Variants in NOTCH4 observed in about 807,000 individuals in gnomAD.
The protein encoded by NOTCH4 is neurogenic locus notch homolog protein 4.
NOTCH4 carries 138 observed loss-of-function variants against 189.0 expected under a neutral mutation model. The observed-to-expected ratio is 0.73, with a 90% CI of 0.64 to 0.84. The LOEUF (loss-of-function observed/expected upper bound fraction) is 0.84. Among genes scored for constraint, NOTCH4 ranks in the 40% least tolerant of loss-of-function variants. The pLI is 0.00. For synonymous variants in NOTCH4, 942 were observed against 1,032.8 expected, an observed-to-expected ratio of 0.91 and a Z score of 1.69; for missense variants, 2,286 against 2,605.4, an observed-to-expected ratio of 0.88 and a Z score of 2.67.
chr6:32,222,857 C>T (rs1582829745), intron 2 of NOTCH4, 51 bp from the exon 3 acceptor site: 1 of 1,596,216 alleles, frequency 6.3e-7, no homozygotes, highest in African/African-American at 1.3e-5. Context: ...TCTTCCTATT[C>T]TTGCCCACTC....
Position 32,201,960 on chromosome 6 carries a change from G to A in NOTCH4, c.3755+116C>T, listed in dbSNP as rs764678010. 152 of 1,008,328 alleles carry A rather than the reference G, an allele frequency of 1.5e-4. No homozygotes were observed. Among genetic ancestry groups the A allele is most frequent in the Non-Finnish European group, 2.0e-4 (146 of 748,232 alleles). 62.5% of individuals were successfully genotyped at this position (1,008,328 alleles called of 1,614,324 possible). ...CCTGTTTAGTGATGGTTATTAGGGT[G>A]GAAACTCCCTGGAGCCCAAGGCTGT... On this transcript the variant is annotated intron_variant, in intron 21 of 29. Transcript: ENST00000375023. This position sits in a 1 kb window ranked among gnomAD's most constrained non-coding sequence, Gnocchi z 5.5.
In NOTCH4 at chr6:32,212,672, C is replaced by A. The variant is rs2127477782; in HGVS notation, c.2527-45G>T. On this transcript the variant is annotated intron_variant, in intron 16 of 29. Coordinates refer to ENST00000375023, the MANE Select transcript of NOTCH4 (RefSeq NM_004557.4). This position sits in a 1 kb window ranked among gnomAD's most constrained non-coding sequence, Gnocchi z 4.4. ...GTGAGGCAGGACATAGCATCAGATT[C>A]TCAGCCCAGAGATGGTCCTCTGCCC... 6.3e-7 allele frequency: 1 copy of A among 1,579,864 alleles called. No homozygotes were observed. The highest frequency in any genetic ancestry group is 8.6e-7 in the Non-Finnish European group (1 of 1,162,728).
chr6:32,217,339 G>T lies in NOTCH4; in HGVS notation c.1625-73C>A. The T allele has an allele frequency of 1.1e-6, 1 of 946,800 alleles. No individual in the cohort carries two copies. The highest frequency in any genetic ancestry group is 2.0e-5 in the Admixed American group (1 of 49,590). 58.6% of individuals were successfully genotyped at this position (946,800 alleles called of 1,614,324 possible). A position where few individuals can be genotyped will look rare whatever the true frequency, so the allele number is the denominator to read the frequency against. ...GAGGCACAGCATGGCGCCTTCCCTT[G>T]CCAGGAAAGGTGAACTTGCAGAGCT... On this transcript the variant is annotated intron_variant, in intron 9 of 29. Coordinates refer to ENST00000375023, the MANE Select transcript of NOTCH4 (RefSeq NM_004557.4). The surrounding 1 kb of genome is among the most constrained non-coding windows in gnomAD (Gnocchi z 4.2).
In NOTCH4 at chr6:32,204,237, G is replaced by A. The variant is rs774972771; in HGVS notation, c.3018C>T (p.Asp1006=). Residue 1006 remains aspartate (D), a synonymous_variant, in exon 19 of 30, where the codon GAC becomes GAT. Coordinates refer to ENST00000375023, the MANE Select transcript of NOTCH4 (RefSeq NM_004557.4). ...PGFVGLRCEG[D]VDECLDQPCH... ...AGGGCTGGTCCAGACACTCGTCCAC[G>A]TCTCCCTCACAGCGTAGCCCCACAA... The A allele has an allele frequency of 1.7e-5, 28 of 1,612,914 alleles. 1 individual carries two copies. Among genetic ancestry groups the A allele is most frequent in the African/African-American group, 6.7e-5 (5 of 74,898 alleles).
chr6:32,197,745 T>G (rs1346047549), intron 26 of NOTCH4, 151 bp from the exon 27 acceptor site: 6 of 590,244 alleles, frequency 1.0e-5, no homozygotes, highest in Non-Finnish European at 1.7e-5. Flanking sequence ...TCTGCTTTTC[T>G]CTGACTTCAG....
rs1788949573 is a variant in NOTCH4, at chr6:32,210,614, G to A, written c.2865+138C>T. The stretch of plus-strand genomic sequence containing the variant: ...TCAGGAGATAAAGTGGCATGACTTT[G>A]TGGTTAGTTGGGTGTGTGGGGTTAA... On this transcript the variant is annotated intron_variant, in intron 18 of 29. Transcript: ENST00000375023. This position sits in a 1 kb window ranked among gnomAD's most constrained non-coding sequence, Gnocchi z 4.8. 1 of 778,318 alleles carries A rather than the reference G, an allele frequency of 1.3e-6. No individual in the cohort carries two copies. Among genetic ancestry groups the A allele is most frequent in the African/African-American group, 1.7e-5 (1 of 57,168 alleles). 48.2% of individuals were successfully genotyped at this position (778,318 alleles called of 1,614,324 possible).
rs761247031 is a variant in NOTCH4 at position 32,201,550 on chromosome 6, T to C, written c.3756-50A>G. 3 of 1,425,658 alleles carry C rather than the reference T, an allele frequency of 2.1e-6. No individual in the cohort carries two copies. Among genetic ancestry groups the C allele is most frequent in the East Asian group, 2.5e-5 (1 of 40,510 alleles). 88.3% of individuals were successfully genotyped at this position (1,425,658 alleles called of 1,614,324 possible). On this transcript the variant is annotated intron_variant, in intron 21 of 29. Coordinates refer to ENST00000375023, the MANE Select transcript of NOTCH4 (RefSeq NM_004557.4). This position sits in a 1 kb window ranked among gnomAD's most constrained non-coding sequence, Gnocchi z 5.5. ...CAGGACCTCCCTAAAACCTGACTCT[T>C]TTCTTCACCCTAGAAAGAATTCCCC...
rs751734441 is a variant in NOTCH4 at position 32,202,435 on chromosome 6, T to G, written c.3396A>C (p.Lys1132Asn). The G allele has an allele frequency of 6.2e-7, 1 of 1,612,138 alleles. No homozygotes were observed. The highest frequency in any genetic ancestry group is 1.7e-5 in the Admixed American group (1 of 59,874). The change falls in exon 21 of 30, where the codon AAA becomes AAC. Residue 1132 changes from lysine to asparagine, a missense_variant. Lys to Asn is a moderately conservative substitution (Grantham distance 94). This residue lies in a region of NOTCH4 where 1,903 missense variants were observed against 2,261.9 expected (regional missense o/e 0.84). Coordinates refer to ENST00000375023, the MANE Select transcript of NOTCH4 (RefSeq NM_004557.4). This position sits in a 1 kb window ranked among gnomAD's most constrained non-coding sequence, Gnocchi z 5.7. ...GGCATGGGGAGGGAGGGCCACAGCC[T>G]TTAGGAGCTGGTGGGGTCAGGCAGT... ...GPDCLTPPAP[K>N]GCGPPSPCLY...
In NOTCH4 at chr6:32,220,264, C is replaced by A. The variant is rs1789667850; in HGVS notation, c.1180G>T (p.Asp394Tyr). The change falls in exon 7 of 30, where the codon GAC becomes TAC. Residue 394 changes from aspartate to tyrosine, a missense_variant. Around this residue, in one of 2 missense-constraint regions of NOTCH4, gnomAD observed 1,903 missense variants for 2,261.9 expected, o/e 0.84. Transcript: ENST00000375023. ...GRTGLLCHLE[D>Y]MCLSQPCHGD... ...TGGCACGGCTGGCTCAGACACATGT[C>A]TTCCAAGTGGCACAGGAGTCCTGGA... 2 of 1,613,402 alleles carry A rather than the reference C, an allele frequency of 1.2e-6. No individual in the cohort carries two copies. The highest frequency in any genetic ancestry group is 2.2e-5 in the East Asian group (1 of 44,846).
At chr6:32,203,357 T>TA (rs9281671) in intron 20 of NOTCH4, 21,807 of 175,270 alleles carry the variant, frequency 0.12, 1,545 homozygotes, top group Non-Finnish European at 0.14. Flanking sequence ...GTTACATTGT[T>TA]AGAATAATAA....
In NOTCH4 at chr6:32,215,221, G is replaced by A; in HGVS notation, c.2021+5C>T. 6.3e-7 allele frequency: 1 copy of A among 1,591,586 alleles called. No homozygotes were observed. The highest frequency in any genetic ancestry group is 8.5e-7 in the Non-Finnish European group (1 of 1,170,722). Reference sequence around the variant, plus strand: ...GGCAGATGGGGAGGGTCTGGAAGATGTTACCTCTGGCAGTGCCCGTGGTGG... The same window carrying A: ...GGCAGATGGGGAGGGTCTGGAAGATATTACCTCTGGCAGTGCCCGTGGTGG... On this transcript the variant is annotated splice_donor_5th_base_variant and intron_variant, in intron 12 of 29. Transcript: ENST00000375023.
rs144717551 is a variant in NOTCH4 at position 32,217,314 on chromosome 6, G to A, written c.1625-48C>T. ...GGAGAGGAGGCCAAGGTCATCGAGG[G>A]AGGCACAGCATGGCGCCTTCCCTTG... On this transcript the variant is annotated intron_variant, in intron 9 of 29. Transcript: ENST00000375023. This position sits in a 1 kb window ranked among gnomAD's most constrained non-coding sequence, Gnocchi z 4.2. The A allele has an allele frequency of 4.8e-6, 6 of 1,260,070 alleles. No individual in the cohort carries two copies. In the Admixed American group the frequency reaches 1.0e-4, roughly 22 times the overall value. 78.1% of individuals were successfully genotyped at this position (1,260,070 alleles called of 1,614,324 possible).
intron 12 of NOTCH4, 142 bp from the exon 13 acceptor site, chr6:32,214,397 C>T (rs1230283222): frequency 2.5e-5 from 19 of 774,514 alleles, no homozygotes; most frequent in South Asian, 5.0e-5. Context: ...CTCTCAGCAC[C>T]GCCCCCATCC....
chr6:32,219,091 T>C (rs1789591274), intron 8 of NOTCH4, among the ~76,000 whole-genome samples: 1 of 152,212 alleles, frequency 6.6e-6, no homozygotes, highest in South Asian at 2.1e-4. Flanking sequence ...TTTTCCCCCT[T>C]AAAACTAGCC....
rs1789684755 is a variant in NOTCH4, at chr6:32,220,486, T to C, written c.1078A>G (p.Ile360Val). The C allele has an allele frequency of 2.5e-6, 4 of 1,613,502 alleles. No individual in the cohort carries two copies. Among genetic ancestry groups the C allele is most frequent in the Non-Finnish European group, 3.4e-6 (4 of 1,179,984 alleles). ...GATCCCGGGGCACAGGTGGCAGCAA[T>C]ACAGTCATCCAGGTTCTCCTCACAG... is the stretch of plus-strand genomic sequence containing the variant. ...TSCEENLDDC[I>V]AATCAPGSTC... Residue 360 changes from isoleucine (I) to valine (V), a missense_variant, in exon 6 of 30, where the codon ATT becomes GTT. Physicochemically the swap from Ile to Val is conservative, Grantham distance 29. Transcript: ENST00000375023.
intron 12 of NOTCH4, among the ~76,000 whole-genome samples, chr6:32,214,981 A>C (rs1278046201): frequency 1.3e-5 from 2 of 152,144 alleles, no homozygotes; most frequent in African/African-American, 4.8e-5. Context: ...CCTGGGATTT[A>C]GTGCTCTTCT....
Position 32,195,521 on chromosome 6 carries a change from C to T in NOTCH4, c.5928G>A (p.Pro1976=), listed in dbSNP as rs535015603. The change falls in exon 30 of 30, where the codon CCG becomes CCA. Residue 1976 remains proline, a synonymous_variant. Coordinates refer to ENST00000375023, the MANE Select transcript of NOTCH4 (RefSeq NM_004557.4). The surrounding 1 kb of genome is among the most constrained non-coding windows in gnomAD (Gnocchi z 5.4). The stretch of plus-strand genomic sequence containing the variant: ...AGTCAAGTTGAGGTGATCCCCGCTC[C>T]GGGGACGGAGTAAGGCAAGGAGGCG... ...PIPPPCLTPS[P]ERGSPQLDCG... 1 of 1,613,094 alleles carries T rather than the reference C, an allele frequency of 6.2e-7. No homozygotes were observed. The highest frequency in any genetic ancestry group is 2.2e-5 in the East Asian group (1 of 44,882).
At position 32,196,012 on chromosome 6, in the gene NOTCH4, AGTGGTTAC is replaced by A; in HGVS notation, c.5429_5436del (p.Arg1810LeufsTer103). The A allele has an allele frequency of 1.3e-6, 2 of 1,599,392 alleles. No individual in the cohort carries two copies. The highest frequency in any genetic ancestry group is 1.7e-6 in the Non-Finnish European group (2 of 1,178,998). ...CCTTCCAGCAGCGTCAGCAGATCCC[AGTGGTTAC>A]GTTGGTGAGCGACGTCCGCCGGCGC... On this transcript the variant is annotated frameshift_variant, in exon 30 of 30. Coordinates refer to ENST00000375023, the MANE Select transcript of NOTCH4 (RefSeq NM_004557.4). LOFTEE classifies it low-confidence loss of function (END_TRUNC).
rs1450714823 is a variant in NOTCH4 at position 32,200,444 on chromosome 6, C to T, written c.4315+387G>A. Among the ~76,000 whole-genome samples, 2 of 152,180 alleles carry T rather than the reference C, an allele frequency of 1.3e-5. No individual in the cohort carries two copies. The highest frequency in any genetic ancestry group is 2.9e-5 in the Non-Finnish European group (2 of 68,034). On this transcript the variant is annotated intron_variant, in intron 23 of 29. Coordinates refer to ENST00000375023, the MANE Select transcript of NOTCH4 (RefSeq NM_004557.4). This position sits in a 1 kb window ranked among gnomAD's most constrained non-coding sequence, Gnocchi z 5.0. ...CAGGATGGTCTCAATCTCCTGACCT[C>T]GTGATCCACCTGCCTTGGTCTCCCA...
Sources: gnomAD v4.1 joint callset for allele counts (sites outside exome capture counted in the v4.1 genomes callset) on GRCh38, gnomAD v4.1.1 for gene constraint, gnomAD v4.1.1 regional missense constraint, Gnocchi (gnomAD v3.1) non-coding constraint, MANE v1.5 for transcripts, NCBI Gene and HGNC (gene_info 2026-07-23, HGNC 2026-07-21) for gene names.